The following NKD1 variants were observed in gnomAD, a reference collection of about 807,000 sequenced individuals.
NKD1 encodes the protein NKD inhibitor of Wnt signaling pathway 1.
Under a neutral mutation model 56.0 loss-of-function variants are expected in NKD1, and 21 were observed. The ratio of observed to expected loss-of-function variants is 0.38; its 90% CI spans 0.27 to 0.54. The LOEUF (loss-of-function observed/expected upper bound fraction) is 0.54, where lower values mean the gene tolerates loss of function less well. Ranked by LOEUF, NKD1 falls within the 20% of genes least tolerant of loss-of-function variation. The probability of loss-of-function intolerance (pLI) is 0.82; values close to 1 mark genes in which losing one functional copy is unlikely to be tolerated. For synonymous variants in NKD1, 263 were observed against 265.7 expected, an observed-to-expected ratio of 0.99 and a Z score of 0.10; for missense variants, 578 against 642.7, an observed-to-expected ratio of 0.90 and a Z score of 1.09.
intron 6 of NKD1, among the ~76,000 whole-genome samples, chr16:50,628,900 G>A (rs926215808): frequency 6.6e-6 from 1 of 151,940 alleles, no homozygotes; most frequent in African/African-American, 2.4e-5. Context: ...GCTTGCAGAC[G>A]GCCACCTTCT....
intron 3 of NKD1, among the ~76,000 whole-genome samples, chr16:50,590,023 T>C (rs1410268335): frequency 6.6e-6 from 1 of 152,020 alleles, no homozygotes; most frequent in East Asian, 1.9e-4. Flanking sequence ...AATTTTTAAA[T>C]TTTTTGTAGA....
At chr16:50,595,994 G>C (rs947067387) in intron 3 of NKD1, among the ~76,000 whole-genome samples, 2 of 152,212 alleles carry the variant, frequency 1.3e-5, no homozygotes, top group East Asian at 3.8e-4. Flanking sequence ...GTGCCACCCT[G>C]CTCCCCCTGA....
chr16:50,598,483 G>A lies in NKD1; in HGVS notation c.193-9811G>A, dbSNP rs1961525394. The stretch of plus-strand genomic sequence containing the variant: ...ACACATCCTTTCCCCACAGTGAGGT[G>A]GCCTATGGCTATGGGGCACCCTTCC... On this transcript the variant is annotated intron_variant, in intron 3 of 9. Transcript: ENST00000268459. The surrounding 1 kb of genome is among the most constrained non-coding windows in gnomAD (Gnocchi z 4.2). 6.6e-6 allele frequency among the ~76,000 whole-genome samples: 1 copy of A among 152,142 alleles called. No homozygotes were observed. Among genetic ancestry groups the A allele is most frequent in the Admixed American group, 6.5e-5 (1 of 15,274 alleles).
At chr16:50,571,791 CTT>C (rs1345882255) in intron 3 of NKD1, among the ~76,000 whole-genome samples, 1 of 152,176 alleles carries the variant, frequency 6.6e-6, no homozygotes, top group African/African-American at 2.4e-5. Context: ...GCCAGGCTGA[CTT>C]TGCAGAACCC....
At chr16:50,592,163 G>A (rs115739286) in intron 3 of NKD1, among the ~76,000 whole-genome samples, 4 of 152,352 alleles carry the variant, frequency 2.6e-5, no homozygotes, top group Middle Eastern at 6.8e-3. Flanking sequence ...ATAGGCAGCC[G>A]GCTCAGGTCC....
intron 3 of NKD1, among the ~76,000 whole-genome samples, chr16:50,573,666 C>A (rs192747896): frequency 6.6e-6 from 1 of 152,292 alleles, no homozygotes; most frequent in East Asian, 1.9e-4. Context: ...AGGGTCGCAC[C>A]CTCTCTGAGC....
intron 4 of NKD1, among the ~76,000 whole-genome samples, chr16:50,619,107 G>A (rs1354031796): frequency 1.3e-5 from 2 of 152,186 alleles, no homozygotes; most frequent in Non-Finnish European, 2.9e-5. Context: ...GACAAGCCTG[G>A]CCAGCTTGCA....
intron 3 of NKD1, chr16:50,571,015 C>G (rs933567): frequency 7.1e-6 from 7 of 984,700 alleles, no homozygotes; most frequent in Non-Finnish European, 8.4e-6. Context: ...TGGGTGTGCA[C>G]CTGTCCCGCT....
intron 3 of NKD1, among the ~76,000 whole-genome samples, chr16:50,584,528 G>T (rs763367697): frequency 6.6e-5 from 10 of 152,180 alleles, no homozygotes; most frequent in Non-Finnish European, 1.2e-4. Flanking sequence ...TAACTTTGGG[G>T]CATTATTTAA....
intron 3 of NKD1, among the ~76,000 whole-genome samples, chr16:50,568,433 CTTG>C (rs988478635): frequency 2.0e-5 from 3 of 152,234 alleles, no homozygotes; most frequent in Non-Finnish European, 4.4e-5. Flanking sequence ...TCTGTCATTT[CTTG>C]TTGTAAACTG....
At chr16:50,615,779 T>G (rs543511114) in intron 4 of NKD1, among the ~76,000 whole-genome samples, 6 of 152,302 alleles carry the variant, frequency 3.9e-5, no homozygotes, top group African/African-American at 1.4e-4. Context: ...CTGCACAGTG[T>G]TAAGAGGACT....
intron 3 of NKD1, among the ~76,000 whole-genome samples, chr16:50,581,623 C>G (rs1316891871): frequency 2.0e-5 from 3 of 152,236 alleles, no homozygotes; most frequent in Non-Finnish European, 4.4e-5. Context: ...GCCACTTACT[C>G]AGAGGCACCT....
intron 3 of NKD1, among the ~76,000 whole-genome samples, chr16:50,581,766 G>A (rs895298303): frequency 6.6e-6 from 1 of 152,208 alleles, no homozygotes; most frequent in Non-Finnish European, 1.5e-5. Context: ...CTGTCTTGTA[G>A]CAGCTCTCAG....
In NKD1 at chr16:50,633,513, C is replaced by T; in HGVS notation, c.1145C>T (p.Ala382Val). 1 of 1,610,748 alleles carries T rather than the reference C, an allele frequency of 6.2e-7. No homozygotes were observed. Among genetic ancestry groups the T allele is most frequent in the Non-Finnish European group, 8.5e-7 (1 of 1,178,836 alleles). ...GCCATCCCTGCGGTGTCCCCCTCCG[C>T]CCACCTGGCTGCCAGCCCGGCCCTC... ...GPAIPAVSPSAHLAASPALLP... is the reference protein window; with the variant it reads ...GPAIPAVSPSVHLAASPALLP... The change falls in exon 10 of 10, where the codon GCC becomes GTC. Residue 382 changes from alanine (A) to valine (V), a missense_variant. Coordinates refer to ENST00000268459, the MANE Select transcript of NKD1 (RefSeq NM_033119.5). This position sits in a 1 kb window ranked among gnomAD's most constrained non-coding sequence, Gnocchi z 4.9.
intron 3 of NKD1, among the ~76,000 whole-genome samples, chr16:50,553,039 C>T (rs1008635504): frequency 6.6e-6 from 1 of 152,146 alleles, no homozygotes; most frequent in Non-Finnish European, 1.5e-5. Context: ...GCAAAGAACA[C>T]CATGTTAAAC....
In NKD1 at chr16:50,598,262, T is replaced by TGTGTGTGTGTGTGTGTGTGTGTGCGCGC. The variant is rs138964473; in HGVS notation, c.193-10031_193-10030insTGTGTGTGTGTGTGTGTGTGTGCGCGCG. ...GTGTGTGTGTGTGTGTGTGTGTGTGTGCGCGCACACCTGTGCTCATGGACA... is the reference window on the plus strand; with the variant it reads ...GTGTGTGTGTGTGTGTGTGTGTGTGTGTGTGTGTGTGTGTGTGTGTGTGCGCGCGCGCGCACACCTGTGCTCATGGACA... On this transcript the variant is annotated intron_variant, in intron 3 of 9. Transcript: ENST00000268459. The surrounding 1 kb of genome is among the most constrained non-coding windows in gnomAD (Gnocchi z 4.2). 9.4e-5 allele frequency among the ~76,000 whole-genome samples: 14 copies of TGTGTGTGTGTGTGTGTGTGTGTGCGCGC among 148,568 alleles called. No individual in the cohort carries two copies. Among genetic ancestry groups the TGTGTGTGTGTGTGTGTGTGTGTGCGCGC allele is most frequent in the African/African-American group, 3.3e-4 (13 of 39,054 alleles).
chr16:50,629,114 C>T (rs1962287546), intron 6 of NKD1, among the ~76,000 whole-genome samples: 1 of 152,076 alleles, frequency 6.6e-6, no homozygotes, highest in Non-Finnish European at 1.5e-5. Flanking sequence ...TACAGGTGTG[C>T]ACCACCACAC....
intron 3 of NKD1, among the ~76,000 whole-genome samples, chr16:50,592,522 T>G (rs1247041667): frequency 6.6e-6 from 1 of 152,222 alleles, no homozygotes. Context: ...CCAGGCACCA[T>G]GCCAGCTCTG....
rs1310056443 is a variant in NKD1, at chr16:50,641,038, C to T, written c.*7257C>T. ...AGTTCTTCCCAAAGCTGAGCGCAGA[C>T]CGGCTTGCAGGTCCTTTTTCCAGTC... On this transcript the variant is annotated 3_prime_UTR_variant, in exon 10 of 10. Coordinates refer to ENST00000268459, the MANE Select transcript of NKD1 (RefSeq NM_033119.5). 1 of 152,214 alleles carries T rather than the reference C, an allele frequency of 6.6e-6. No individual in the cohort carries two copies. Among genetic ancestry groups the T allele is most frequent in the Non-Finnish European group, 1.5e-5 (1 of 68,040 alleles). 9.4% of individuals were successfully genotyped at this position (152,214 alleles called of 1,614,324 possible). A position where few individuals can be genotyped will look rare whatever the true frequency, so the allele number is the denominator to read the frequency against.
Sources: gnomAD v4.1 joint callset for allele counts (sites outside exome capture counted in the v4.1 genomes callset) on GRCh38, gnomAD v4.1.1 for gene constraint, Gnocchi (gnomAD v3.1) non-coding constraint, MANE v1.5 for transcripts, NCBI Gene and HGNC (gene_info 2026-07-23, HGNC 2026-07-21) for gene names.